Variants in ILRUN observed in about 807,000 individuals in gnomAD.
The protein encoded by ILRUN is inflammation and lipid regulator with UBA-like and NBR1-like domains, also known as protein ILRUN.
In ILRUN, 3 loss-of-function variants were observed where a neutral mutation model predicts 33.8. The observed-to-expected ratio is 0.09, with a 90% CI of 0.04 to 0.23. The LOEUF (loss-of-function observed/expected upper bound fraction) is 0.23. ILRUN is among the 10% of genes least tolerant of loss of function. ILRUN has a pLI of 1.00. For missense variants in ILRUN, 210 were observed against 375.1 expected (o/e 0.56, Z 3.64); for synonymous variants, 124 against 138.9 (o/e 0.89, Z 0.75).
At chr6:34,681,911 G>A (rs1349021164) in intron 1 of ILRUN, among the ~76,000 whole-genome samples, 1 of 138,050 alleles carries the variant, frequency 7.2e-6, no homozygotes, top group East Asian at 2.1e-4. Flanking sequence ...GGAGTGCAGT[G>A]CTGCGACCTC....
At chr6:34,650,546 T>C (rs1192646399) in intron 2 of ILRUN, among the ~76,000 whole-genome samples, 1 of 152,004 alleles carries the variant, frequency 6.6e-6, no homozygotes, top group Non-Finnish European at 1.5e-5. Context: ...TTCTTCTGCC[T>C]CAGCCTCCCG....
chr6:34,654,532 A>G (rs1762732908), intron 2 of ILRUN, 93 bp downstream of exon 2: 3 of 1,324,738 alleles, frequency 2.3e-6, no homozygotes, highest in Non-Finnish European at 2.1e-6. Flanking sequence ...TCGCAGTTAC[A>G]CAATCACATA....
intron 2 of ILRUN, among the ~76,000 whole-genome samples, chr6:34,647,758 T>C (rs573693884): frequency 9.9e-5 from 15 of 152,174 alleles, no homozygotes; most frequent in African/African-American, 3.6e-4. Context: ...AGAGATGGGG[T>C]TTCACTATGT....
At position 34,654,616 on chromosome 6, in the gene ILRUN, T is replaced by C; in HGVS notation, c.313+9A>G. ...CTAGGCAAGGGAGGATTGCCCATTA[T>C]GTACTTACCAGAATTCTGGATCCGC... On this transcript the variant is annotated intron_variant, in intron 2 of 4. Coordinates refer to ENST00000374023, the MANE Select transcript of ILRUN (RefSeq NM_024294.4). The C allele has an allele frequency of 6.2e-7, 1 of 1,606,814 alleles. No individual in the cohort carries two copies. The highest frequency in any genetic ancestry group is 8.5e-7 in the Non-Finnish European group (1 of 1,177,704).
At chr6:34,617,070 G>C in intron 3 of ILRUN, 1 of 531,206 alleles carries the variant, frequency 1.9e-6, no homozygotes, top group Non-Finnish European at 3.7e-6. Flanking sequence ...GGCATCACCT[G>C]CATGGAGGAT....
At chr6:34,637,858 C>CTGTTGTTGT (rs1162665863) in intron 3 of ILRUN, among the ~76,000 whole-genome samples, 1 of 127,396 alleles carries the variant, frequency 7.8e-6, no homozygotes, top group Non-Finnish European at 1.6e-5. Context: ...GCTGCTGCTG[C>CTGTTGTTGT]TGCTGCTGTT....
At chr6:34,676,218 A>G (rs1166450006) in intron 1 of ILRUN, among the ~76,000 whole-genome samples, 1 of 150,878 alleles carries the variant, frequency 6.6e-6, no homozygotes, top group Non-Finnish European at 1.5e-5. Context: ...AGCCTGGGTA[A>G]CATAGCAAGA....
intron 3 of ILRUN, chr6:34,616,810 T>C (rs1761901045): frequency 1.4e-6 from 1 of 696,288 alleles, no homozygotes; most frequent in Non-Finnish European, 2.6e-6. Flanking sequence ...GAGGTATCAA[T>C]GGTGTGAACC....
intron 4 of ILRUN, among the ~76,000 whole-genome samples, chr6:34,600,130 T>C (rs560571225): frequency 1.6e-4 from 25 of 152,326 alleles, no homozygotes; most frequent in Middle Eastern, 6.8e-3. Context: ...GCTCCTTTTA[T>C]AGCATTAAGT....
chr6:34,604,993 C>G (rs1761594833), intron 4 of ILRUN, among the ~76,000 whole-genome samples: 1 of 152,180 alleles, frequency 6.6e-6, no homozygotes, highest in Admixed American at 6.5e-5. Flanking sequence ...TAATTTGTCT[C>G]TTGATCTAGA....
At chr6:34,609,500 G>A (rs1582040813) in intron 3 of ILRUN, among the ~76,000 whole-genome samples, 1 of 151,126 alleles carries the variant, frequency 6.6e-6, no homozygotes, top group South Asian at 2.1e-4. Context: ...AAAAAAAAAA[G>A]GTGGGGTGGA....
chr6:34,594,824 A>G (rs543270740), intron 4 of ILRUN, among the ~76,000 whole-genome samples: 4 of 152,342 alleles, frequency 2.6e-5, no homozygotes, highest in East Asian at 3.9e-4. Flanking sequence ...GCATTTCCAC[A>G]ATGCAATAAT....
intron 1 of ILRUN, among the ~76,000 whole-genome samples, chr6:34,681,855 T>C (rs1433268332): frequency 1.5e-5 from 2 of 133,136 alleles, no homozygotes; most frequent in Admixed American, 1.5e-4. Context: ...ATTTTTTTTT[T>C]TTTTTTTTTT....
At chr6:34,631,599 G>T (rs983291504) in intron 3 of ILRUN, among the ~76,000 whole-genome samples, 1 of 152,128 alleles carries the variant, frequency 6.6e-6, no homozygotes, top group African/African-American at 2.4e-5. Flanking sequence ...AAAGTGCTGG[G>T]ATTACAGGAG....
chr6:34,637,864 C>CTGCTGCTGCTGCTGCTGT (rs749114775), intron 3 of ILRUN, among the ~76,000 whole-genome samples: 23 of 142,018 alleles, frequency 1.6e-4, no homozygotes, highest in African/African-American at 5.2e-4. Flanking sequence ...GCTGCTGCTG[C>CTGCTGCTGCTGCTGCTGT]TGTTGTTGTT....
At chr6:34,611,842 T>C (rs548332610) in intron 3 of ILRUN, among the ~76,000 whole-genome samples, 14 of 152,170 alleles carry the variant, frequency 9.2e-5, no homozygotes, top group Non-Finnish European at 1.9e-4. Flanking sequence ...CAGCTTTTAG[T>C]ATAGCTTTAA....
intron 3 of ILRUN, among the ~76,000 whole-genome samples, chr6:34,639,508 G>T (rs1379165417): frequency 2.0e-5 from 3 of 152,156 alleles, no homozygotes; most frequent in Non-Finnish European, 4.4e-5. Context: ...AATCACTCAT[G>T]CTGCTTACCC....
In ILRUN at chr6:34,647,863, T is replaced by C. The variant is rs754928569; in HGVS notation, c.314-1065A>G. ...CAGGTGTGAGCCACAGCGCCTGGCC[T>C]AATTTTTGCATTTTTAGCATAGATG... On this transcript the variant is annotated intron_variant, in intron 2 of 4. Transcript: ENST00000374023. 2.6e-4 allele frequency among the ~76,000 whole-genome samples: 39 copies of C among 152,190 alleles called. 1 individual carries two copies. Among genetic ancestry groups the C allele is most frequent in the Admixed American group, 5.9e-4 (9 of 15,288 alleles).
intron 3 of ILRUN, among the ~76,000 whole-genome samples, chr6:34,638,101 T>G (rs2127353819): frequency 6.6e-6 from 1 of 152,134 alleles, no homozygotes; most frequent in East Asian, 1.9e-4. Context: ...TTGCCCAGGC[T>G]GGTCTTGGGC....
Sources: gnomAD v4.1 joint callset for allele counts (sites outside exome capture counted in the v4.1 genomes callset) on GRCh38, gnomAD v4.1.1 for gene constraint, MANE v1.5 for transcripts, NCBI Gene and HGNC (gene_info 2026-07-23, HGNC 2026-07-21) for gene names.